The following LRRK1 variants were observed in gnomAD, a reference collection of about 807,000 sequenced individuals.
The protein encoded by LRRK1 is leucine-rich repeat serine/threonine-protein kinase 1.
LRRK1 carries 113 observed loss-of-function variants against 209.1 expected under a neutral mutation model. That is an observed-to-expected ratio of 0.54 (90% CI 0.46 to 0.63). The LOEUF (loss-of-function observed/expected upper bound fraction) is 0.63, where lower values mean the gene tolerates loss of function less well. LRRK1 is among the 30% of genes least tolerant of loss of function. The pLI, the probability that LRRK1 is intolerant of heterozygous loss-of-function variation, is 0.00. For missense variants in LRRK1, 2,284 were observed against 2,632.2 expected (o/e 0.87, Z 2.89); for synonymous variants, 1,144 against 1,099.7 (o/e 1.04, Z -0.80).
intron 13 of LRRK1, chr15:101,021,562 G>A (rs1272511081): frequency 6.0e-6 from 3 of 503,682 alleles, no homozygotes; most frequent in African/African-American, 3.9e-5. Flanking sequence ...GGAAGAGGTA[G>A]TGATCATCTT....
At chr15:101,039,514 A>G (rs910842753) in intron 20 of LRRK1, among the ~76,000 whole-genome samples, 3 of 152,176 alleles carry the variant, frequency 2.0e-5, no homozygotes, top group Non-Finnish European at 4.4e-5. Context: ...TTTTCTAAGT[A>G]TGCTTCTTTT....
At chr15:100,941,258 G>A (rs1297340624) in intron 2 of LRRK1, among the ~76,000 whole-genome samples, 1 of 150,000 alleles carries the variant, frequency 6.7e-6, no homozygotes, top group East Asian at 2.0e-4. Flanking sequence ...CTGTGTGTGT[G>A]TCTGTGTCTC....
chr15:100,978,273 A>G (rs1415943703), intron 3 of LRRK1, among the ~76,000 whole-genome samples: 5 of 152,202 alleles, frequency 3.3e-5, no homozygotes, highest in African/African-American at 1.2e-4. Context: ...AGAAGATCCA[A>G]CAGTCATGTC....
At chr15:101,028,761 G>A (rs1046935280) in intron 19 of LRRK1, among the ~76,000 whole-genome samples, 195 bp from the exon 20 acceptor site, 4 of 152,262 alleles carry the variant, frequency 2.6e-5, no homozygotes, top group African/African-American at 7.2e-5. Flanking sequence ...CTAGGACTTT[G>A]GCAAGAGTTA....
At chr15:100,986,830 G>A (rs2031901408) in intron 4 of LRRK1, among the ~76,000 whole-genome samples, 1 of 152,176 alleles carries the variant, frequency 6.6e-6, no homozygotes, top group Admixed American at 6.5e-5. Flanking sequence ...CTCCCCCAGG[G>A]CTCTGCAGAA....
intron 2 of LRRK1, among the ~76,000 whole-genome samples, chr15:100,963,670 T>C (rs7165590): frequency 0.7 from 107,036 of 152,106 alleles, 37,996 homozygotes; most frequent in Middle Eastern, 0.76. Flanking sequence ...GTCATTTCTG[T>C]AGGGAAATGC....
At chr15:101,048,740 C>G in intron 22 of LRRK1, 83 bp downstream of exon 22, 1 of 1,200,782 alleles carries the variant, frequency 8.3e-7, no homozygotes, top group Non-Finnish European at 1.1e-6. Context: ...GATGCCTCAT[C>G]CTCTTGGTGT....
In LRRK1 at chr15:100,932,246, A is replaced by G. The variant is rs183974582; in HGVS notation, c.97+7517A>G. ...AGTGATCCACTCGTCTCGGCCTCCC[A>G]AAGTGCTGAGATTACAGGCGTGAGC... On this transcript the variant is annotated intron_variant, in intron 2 of 33. Coordinates refer to ENST00000388948, the MANE Select transcript of LRRK1 (RefSeq NM_024652.6). Among the ~76,000 whole-genome samples the G allele has an allele frequency of 2.6e-4, 40 of 152,274 alleles. No homozygotes were observed. In the East Asian group the frequency reaches 5.6e-3, roughly 21 times the overall value.
At chr15:101,063,279 C>T (rs972656163) in intron 31 of LRRK1, among the ~76,000 whole-genome samples, 1 of 152,224 alleles carries the variant, frequency 6.6e-6, no homozygotes, top group Non-Finnish European at 1.5e-5. Flanking sequence ...TTGGGATTAG[C>T]CCCAGCCTCT....
At position 101,063,214 on chromosome 15, in the gene LRRK1, A is replaced by G. The variant is rs2036296107; in HGVS notation, c.4914+524A>G. ...AACCTCCTAGCCCTGGCCTTTCTAAATGAGACCCCAAGGGGCACTCTCCCC... is the reference window on the plus strand; with the variant it reads ...AACCTCCTAGCCCTGGCCTTTCTAAGTGAGACCCCAAGGGGCACTCTCCCC... On this transcript the variant is annotated intron_variant, in intron 31 of 33. Transcript: ENST00000388948. Among the ~76,000 whole-genome samples the G allele has an allele frequency of 2.0e-5, 3 of 152,020 alleles. No individual in the cohort carries two copies. The South Asian group carries it at 6.2e-4, about 31-fold the overall frequency.
At position 101,026,338 on chromosome 15, in the gene LRRK1, G is replaced by GC. The variant is rs141452884; in HGVS notation, c.2405+205dup. ...GGCTGGCTGGTTGAGGCCTGGAGGTGCCCCTCTTTGCTTCCTTTCTGCCCC... is the reference window on the plus strand; with the variant it reads ...GGCTGGCTGGTTGAGGCCTGGAGGTGCCCCCTCTTTGCTTCCTTTCTGCCCC... On this transcript the variant is annotated intron_variant, in intron 17 of 33. Coordinates refer to ENST00000388948, the MANE Select transcript of LRRK1 (RefSeq NM_024652.6). Among the ~76,000 whole-genome samples the GC allele has an allele frequency of 8.2e-3, 1,256 of 152,370 alleles. 19 individuals are homozygous for GC. Among genetic ancestry groups the GC allele is most frequent in the African/African-American group, 0.027 (1,134 of 41,580 alleles).
intron 2 of LRRK1, among the ~76,000 whole-genome samples, chr15:100,942,917 C>A (rs915587973): frequency 6.6e-6 from 1 of 152,176 alleles, no homozygotes; most frequent in Admixed American, 6.5e-5. Flanking sequence ...TGCTGAACAA[C>A]TCCCAGGGTT....
chr15:100,988,842 C>T, intron 5 of LRRK1, 29 bp downstream of exon 5: 2 of 1,546,908 alleles, frequency 1.3e-6, no homozygotes, highest in Non-Finnish European at 1.8e-6. Context: ...CTGAGTCAAC[C>T]CTGACCGTGC....
chr15:101,046,256 C>G, intron 21 of LRRK1, 104 bp downstream of exon 21: 2 of 1,258,658 alleles, frequency 1.6e-6, no homozygotes, highest in Non-Finnish European at 2.2e-6. Context: ...TGCCTGGAGA[C>G]CCTTCTCCTA....
At chr15:100,944,650 A>G (rs971898571) in intron 2 of LRRK1, among the ~76,000 whole-genome samples, 9 of 152,174 alleles carry the variant, frequency 5.9e-5, no homozygotes, top group Admixed American at 5.2e-4. Flanking sequence ...TGGAAGGCAG[A>G]TGGCAGTCCT....
At chr15:101,016,803 C>T (rs1451371976) in intron 12 of LRRK1, among the ~76,000 whole-genome samples, 1 of 152,190 alleles carries the variant, frequency 6.6e-6, no homozygotes, top group Non-Finnish European at 1.5e-5. Flanking sequence ...GCAAAGCCCA[C>T]ATGGATCACG....
chr15:101,035,176 T>C (rs920948387), intron 20 of LRRK1, among the ~76,000 whole-genome samples: 17 of 152,112 alleles, frequency 1.1e-4, no homozygotes, highest in Non-Finnish European at 2.2e-4. Context: ...TGTAAGGTCC[T>C]TTTGGTCTCA....
In LRRK1 at chr15:101,024,964, C is replaced by T. The variant is rs367700715; in HGVS notation, c.2229C>T (p.Ile743=). The part of the protein sequence containing the change: ...VANLQFWLLN[I]EAKAPNAVVL... ...ACCTCCAGTTCTGGCTGCTCAACAT[C>T]GAGGTGAGGACACCAGACGCCAGCC... Residue 743 remains isoleucine (I), a synonymous_variant, in exon 16 of 34, where the codon ATC becomes ATT. Transcript: ENST00000388948. This position sits in a 1 kb window ranked among gnomAD's most constrained non-coding sequence, Gnocchi z 4.6. 184 of 1,612,928 alleles carry T rather than the reference C, an allele frequency of 1.1e-4. No homozygotes were observed. The highest frequency in any genetic ancestry group is 1.4e-4 in the Non-Finnish European group (170 of 1,179,726).
rs897808535 is a variant in LRRK1 at position 100,982,061 on chromosome 15, C to T, written c.262-1467C>T. Among the ~76,000 whole-genome samples, 8 of 149,332 alleles carry T rather than the reference C, an allele frequency of 5.4e-5. No homozygotes were observed. The East Asian group carries it at 1.4e-3, about 25-fold the overall frequency. ...CTCAGTAGGTGTTGATGGGGGCACT[C>T]GCCATCCCTGGCATCCTGAGTGCCC... On this transcript the variant is annotated intron_variant, in intron 3 of 33. Coordinates refer to ENST00000388948, the MANE Select transcript of LRRK1 (RefSeq NM_024652.6).
Sources: allele counts gnomAD v4.1 joint callset (sites outside exome capture counted in the v4.1 genomes callset), GRCh38; gene constraint gnomAD v4.1.1; non-coding constraint Gnocchi (gnomAD v3.1); transcripts MANE v1.5; gene names NCBI Gene and HGNC (gene_info 2026-07-23, HGNC 2026-07-21).